GPC6: variants seen among roughly 807,000 people sequenced by gnomAD.
The protein encoded by GPC6 is glypican-6.
GPC6 carries 14 observed loss-of-function variants against 55.2 expected under a neutral mutation model. The ratio of observed to expected loss-of-function variants is 0.25; its 90% CI spans 0.17 to 0.40. The LOEUF (loss-of-function observed/expected upper bound fraction) is 0.40. Ranked by LOEUF, GPC6 falls within the 10% of genes least tolerant of loss-of-function variation. The pLI, the probability that GPC6 is intolerant of heterozygous loss-of-function variation, is 1.00. For synonymous variants in GPC6, 278 were observed against 259.6 expected, an observed-to-expected ratio of 1.07 and a Z score of -0.68; for missense variants, 641 against 708.5, an observed-to-expected ratio of 0.90 and a Z score of 1.08.
At chr13:93,319,560 T>C (rs1187179442) in intron 1 of GPC6, among the ~76,000 whole-genome samples, 1 of 148,218 alleles carries the variant, frequency 6.7e-6, no homozygotes, top group Non-Finnish European at 1.5e-5. Flanking sequence ...AAATAAAGAG[T>C]AGAAGCATTT....
chr13:94,002,031 G>A (rs930417952), intron 3 of GPC6, among the ~76,000 whole-genome samples: 1 of 152,048 alleles, frequency 6.6e-6, no homozygotes, highest in Non-Finnish European at 1.5e-5. Flanking sequence ...CCCTCACATA[G>A]AGACTAGAAG....
intron 3 of GPC6, among the ~76,000 whole-genome samples, chr13:93,847,577 A>C (rs1837260170): frequency 6.6e-6 from 1 of 152,168 alleles, no homozygotes; most frequent in African/African-American, 2.4e-5. Context: ...ATATGAAATT[A>C]CAATTTTAGT....
At chr13:93,913,764 G>C (rs1877136917) in intron 3 of GPC6, among the ~76,000 whole-genome samples, 1 of 152,102 alleles carries the variant, frequency 6.6e-6, no homozygotes, top group East Asian at 1.9e-4. Flanking sequence ...ACAACCGCTG[G>C]TCATTCAGAT....
chr13:94,099,143 T>C (rs919307634), intron 4 of GPC6, among the ~76,000 whole-genome samples: 1 of 152,166 alleles, frequency 6.6e-6, no homozygotes, highest in Non-Finnish European at 1.5e-5. Context: ...ATATACTGTT[T>C]TTATAGCAGA....
chr13:93,512,341 G>T (rs996935206), intron 1 of GPC6, among the ~76,000 whole-genome samples: 2 of 152,026 alleles, frequency 1.3e-5, no homozygotes, highest in African/African-American at 4.8e-5. Flanking sequence ...TTATATTGAG[G>T]TGTGTTCTGT....
chr13:94,111,948 C>T (rs1455291109), intron 4 of GPC6, among the ~76,000 whole-genome samples: 2 of 152,128 alleles, frequency 1.3e-5, no homozygotes, highest in Non-Finnish European at 2.9e-5. Context: ...TCAATCCTCA[C>T]ATAAGAGATG....
At chr13:93,822,749 A>G (rs1489404368) in intron 2 of GPC6, among the ~76,000 whole-genome samples, 1 of 151,896 alleles carries the variant, frequency 6.6e-6, no homozygotes, top group Non-Finnish European at 1.5e-5. Flanking sequence ...TTCCAGCTTC[A>G]TTCATGTCCT....
At chr13:94,307,124 A>G (rs1875986220) in intron 6 of GPC6, among the ~76,000 whole-genome samples, 1 of 152,194 alleles carries the variant, frequency 6.6e-6, no homozygotes, top group African/African-American at 2.4e-5. Flanking sequence ...AAGTAAGTAC[A>G]TCTCAGCATT....
intron 2 of GPC6, among the ~76,000 whole-genome samples, chr13:93,808,121 C>A (rs1192140592): frequency 2.6e-5 from 4 of 151,990 alleles, no homozygotes; most frequent in African/African-American, 7.3e-5. Flanking sequence ...GGTTATAAAA[C>A]CTCAGTTCTA....
chr13:93,418,732 CATTTT>C (rs1449840226), intron 1 of GPC6, among the ~76,000 whole-genome samples: 2 of 151,128 alleles, frequency 1.3e-5, no homozygotes, highest in Admixed American at 1.3e-4. Context: ...ACCGTAGTGT[CATTTT>C]ATTAATGGCA....
At chr13:94,398,931 A>G (rs956899052) in intron 8 of GPC6, among the ~76,000 whole-genome samples, 1 of 152,258 alleles carries the variant, frequency 6.6e-6, no homozygotes, top group Non-Finnish European at 1.5e-5. Context: ...ATGACAAAAC[A>G]GCAAAGTAAT....
chr13:94,379,683 G>C (rs1379594157), intron 6 of GPC6, among the ~76,000 whole-genome samples: 1 of 152,108 alleles, frequency 6.6e-6, no homozygotes, highest in Non-Finnish European at 1.5e-5. Context: ...GCTTAGACCT[G>C]TGTGACCAAC....
At chr13:93,767,791 T>A (rs538131197) in intron 2 of GPC6, among the ~76,000 whole-genome samples, 1 of 152,298 alleles carries the variant, frequency 6.6e-6, no homozygotes, top group South Asian at 2.1e-4. Flanking sequence ...TTGCTGAGCT[T>A]AAAAAATGTT....
rs1296709144 is a variant in GPC6 at position 93,545,386 on chromosome 13, G to T, written c.284G>T (p.Arg95Leu). 6.2e-7 allele frequency: 1 copy of T among 1,613,800 alleles called. No individual in the cohort carries two copies. The highest frequency in any genetic ancestry group is 8.5e-7 in the Non-Finnish European group (1 of 1,179,726). Reference protein sequence around the residue: ...NLVEETSHFVRTTFVSRHKKF... With the variant: ...NLVEETSHFVLTTFVSRHKKF... ...GTGGAAGAGACAAGCCATTTTGTGCGCACCACTTTTGTGTCCAGGCATAAG... is the reference window on the plus strand; with the variant it reads ...GTGGAAGAGACAAGCCATTTTGTGCTCACCACTTTTGTGTCCAGGCATAAG... Residue 95 changes from arginine to leucine, a missense_variant, in exon 2 of 9, where the codon CGC becomes CTC. Arg to Leu is a moderately radical substitution (Grantham distance 102, BLOSUM62 -2). Transcript: ENST00000377047.
intron 2 of GPC6, among the ~76,000 whole-genome samples, chr13:93,591,632 A>G (rs1877492300): frequency 6.6e-6 from 1 of 152,184 alleles, no homozygotes; most frequent in South Asian, 2.1e-4. Context: ...ATGTTTCAGA[A>G]GTCAGAATTT....
intron 3 of GPC6, among the ~76,000 whole-genome samples, chr13:93,957,863 C>T (rs1879576353): frequency 6.6e-6 from 1 of 152,108 alleles, no homozygotes; most frequent in African/African-American, 2.4e-5. Flanking sequence ...ATTCCCTTAT[C>T]TGTGCAGCCT....
intron 4 of GPC6, among the ~76,000 whole-genome samples, chr13:94,088,137 G>A (rs1322272378): frequency 1.3e-5 from 2 of 152,090 alleles, no homozygotes; most frequent in African/African-American, 4.8e-5. Context: ...CCAGAGGCTA[G>A]CAGGAACCTA....
At chr13:93,832,078 A>G (rs1594499926) in intron 3 of GPC6, among the ~76,000 whole-genome samples, 2 of 118,826 alleles carry the variant, frequency 1.7e-5, no homozygotes, top group Admixed American at 1.9e-4. Flanking sequence ...TGACAGAGCA[A>G]GACTCCAACT....
chr13:93,664,282 T>A (rs1212587705), intron 2 of GPC6, among the ~76,000 whole-genome samples: 1 of 152,188 alleles, frequency 6.6e-6, no homozygotes, highest in Non-Finnish European at 1.5e-5. Context: ...CATTTTTAAT[T>A]TTCAAGATCA....
Sources: gnomAD v4.1 joint callset for allele counts (sites outside exome capture counted in the v4.1 genomes callset) on GRCh38, gnomAD v4.1.1 for gene constraint, MANE v1.5 for transcripts, NCBI Gene and HGNC (gene_info 2026-07-23, HGNC 2026-07-21) for gene names.